Variants in RGS7 observed in about 807,000 individuals in gnomAD.
RGS7 encodes regulator of G protein signaling 7, also known as regulator of G-protein signaling 7.
A neutral mutation model predicts 81.1 loss-of-function variants in RGS7; 27 were observed. The ratio of observed to expected loss-of-function variants is 0.33; its 90% CI spans 0.25 to 0.46. The LOEUF (loss-of-function observed/expected upper bound fraction) is 0.46, where lower values mean the gene tolerates loss of function less well. RGS7 is among the 20% of genes least tolerant of loss of function. RGS7 has a pLI of 1.00. For synonymous variants in RGS7, 208 were observed against 207.7 expected, an observed-to-expected ratio of 1.00 and a Z score of -0.01; for missense variants, 396 against 607.4, an observed-to-expected ratio of 0.65 and a Z score of 3.66.
chr1:241,300,008 G>A (rs1204299364), intron 2 of RGS7, among the ~76,000 whole-genome samples: 16 of 149,910 alleles, frequency 1.1e-4, no homozygotes, highest in African/African-American at 2.9e-4. Flanking sequence ...CCAGCCACTC[G>A]GGAGGCTGGG....
intron 4 of RGS7, among the ~76,000 whole-genome samples, chr1:240,972,881 C>T (rs1022687044): frequency 7.0e-5 from 10 of 143,566 alleles, no homozygotes; most frequent in African/African-American, 2.6e-4. Context: ...TTAAAATCAA[C>T]TAACTAAATG....
intron 15 of RGS7, among the ~76,000 whole-genome samples, chr1:240,804,252 G>A (rs1288534142): frequency 6.6e-5 from 10 of 152,134 alleles, no homozygotes; most frequent in African/African-American, 2.4e-4. Context: ...GATAGTAAGT[G>A]CTCAAATATA....
At chr1:240,980,957 A>C (rs1292616767) in intron 4 of RGS7, among the ~76,000 whole-genome samples, 3 of 152,218 alleles carry the variant, frequency 2.0e-5, no homozygotes, top group Non-Finnish European at 2.9e-5. Context: ...TCAGCAAGCA[A>C]ATAAAATCAG....
intron 2 of RGS7, among the ~76,000 whole-genome samples, chr1:241,226,669 T>G (rs1225438232): frequency 1.3e-5 from 2 of 152,180 alleles, no homozygotes; most frequent in African/African-American, 2.4e-5. Flanking sequence ...GGAATTTACA[T>G]AGTGGTGAAA....
At chr1:241,014,195 T>C (rs2059110721) in intron 3 of RGS7, among the ~76,000 whole-genome samples, 1 of 152,178 alleles carries the variant, frequency 6.6e-6, no homozygotes, top group South Asian at 2.1e-4. Flanking sequence ...TTTCACAACC[T>C]TTCATTTTCT....
intron 3 of RGS7, among the ~76,000 whole-genome samples, chr1:241,086,618 C>A (rs1035139854): frequency 2.6e-5 from 4 of 151,978 alleles, no homozygotes; most frequent in Non-Finnish European, 4.4e-5. Context: ...CATTTCCCCC[C>A]ACCCAGAGGA....
intron 2 of RGS7, among the ~76,000 whole-genome samples, chr1:241,306,625 T>C (rs1386335399): frequency 6.7e-6 from 1 of 150,174 alleles, no homozygotes; most frequent in Admixed American, 6.6e-5. Context: ...TACGCACATG[T>C]CCACACACAT....
chr1:240,789,006 C>T (rs942693361), intron 18 of RGS7, among the ~76,000 whole-genome samples: 6 of 152,178 alleles, frequency 3.9e-5, no homozygotes, highest in East Asian at 1.9e-4. Context: ...AGTGTGGTGG[C>T]GCATTGTTGT....
At chr1:241,137,024 G>A (rs1274140483) in intron 2 of RGS7, among the ~76,000 whole-genome samples, 1 of 152,120 alleles carries the variant, frequency 6.6e-6, no homozygotes, top group Non-Finnish European at 1.5e-5. Flanking sequence ...ATTACATTCA[G>A]CTGCTGTGGC....
In RGS7 at chr1:241,039,357, C is replaced by T. The variant is rs182589837; in HGVS notation, c.176-56228G>A. Among the ~76,000 whole-genome samples the T allele has an allele frequency of 1.4e-4, 21 of 152,268 alleles. No individual in the cohort carries two copies. In the East Asian group the frequency reaches 4.1e-3, roughly 29 times the overall value. On this transcript the variant is annotated intron_variant, in intron 3 of 18. Transcript: ENST00000440928. The stretch of plus-strand genomic sequence containing the variant: ...TGTTCATAGATAAACCACAAGGCGC[C>T]ATATCTCGTTCTGACAGATGGCTGC...
intron 6 of RGS7, among the ~76,000 whole-genome samples, chr1:240,898,390 C>G (rs144328874): frequency 0.13 from 19,458 of 152,104 alleles, 1,362 homozygotes; most frequent in Middle Eastern, 0.18. Flanking sequence ...GTCAATTTTA[C>G]ATCTTTCCTG....
intron 9 of RGS7, among the ~76,000 whole-genome samples, chr1:240,832,425 C>T (rs1434661232): frequency 6.6e-6 from 1 of 152,132 alleles, no homozygotes; most frequent in Non-Finnish European, 1.5e-5. Flanking sequence ...TAGGATTTAA[C>T]ATTGTGGAAG....
At chr1:240,911,386 CTT>C (rs1214687285) in intron 6 of RGS7, among the ~76,000 whole-genome samples, 1 of 152,180 alleles carries the variant, frequency 6.6e-6, no homozygotes, top group African/African-American at 2.4e-5. Flanking sequence ...CATTTTCTCT[CTT>C]GATTCTTCTT....
intron 18 of RGS7, among the ~76,000 whole-genome samples, chr1:240,789,054 G>A (rs1685530180): frequency 6.6e-6 from 1 of 152,170 alleles, no homozygotes; most frequent in African/African-American, 2.4e-5. Context: ...ACCGGCTGAA[G>A]CCATGGCAGA....
At chr1:240,902,652 A>T (rs767731182) in intron 6 of RGS7, among the ~76,000 whole-genome samples, 2 of 152,204 alleles carry the variant, frequency 1.3e-5, no homozygotes, top group Non-Finnish European at 2.9e-5. Context: ...TTTAAGTCAG[A>T]CAAATGCAAT....
At chr1:241,106,152 T>C (rs1010264151) in intron 2 of RGS7, among the ~76,000 whole-genome samples, 2 of 152,248 alleles carry the variant, frequency 1.3e-5, no homozygotes, top group South Asian at 2.1e-4. Context: ...CAGTCTCTAA[T>C]GAAAGTTAAA....
intron 3 of RGS7, among the ~76,000 whole-genome samples, chr1:241,043,099 TC>T (rs879742724): frequency 4.6e-5 from 7 of 151,990 alleles, no homozygotes; most frequent in Admixed American, 2.0e-4. Context: ...GACTTTAATC[TC>T]ATTACTAGTC....
chr1:241,184,814 C>T (rs1363268211), intron 2 of RGS7, among the ~76,000 whole-genome samples: 2 of 151,928 alleles, frequency 1.3e-5, no homozygotes, highest in African/African-American at 2.4e-5. Context: ...TTTTGGATAA[C>T]AGATAGGCAA....
chr1:240,790,824 T>G (rs1160327179), intron 18 of RGS7, among the ~76,000 whole-genome samples: 2 of 152,144 alleles, frequency 1.3e-5, no homozygotes, highest in Admixed American at 1.3e-4. Flanking sequence ...CTGCAAAAAT[T>G]TTATCATTCC....
Sources: allele counts gnomAD v4.1 joint callset (sites outside exome capture counted in the v4.1 genomes callset), GRCh38; gene constraint gnomAD v4.1.1; transcripts MANE v1.5; gene names NCBI Gene and HGNC (gene_info 2026-07-23, HGNC 2026-07-21).